The following KHDC1 variants were observed in gnomAD, a reference collection of about 807,000 sequenced individuals.
KHDC1 encodes KH domain containing 1, also known as KH homology domain-containing protein 1.
Under a neutral mutation model 24.7 loss-of-function variants are expected in KHDC1, and 21 were observed. That is an observed-to-expected ratio of 0.85 (90% CI 0.60 to 1.23). KHDC1 has a LOEUF of 1.23. KHDC1 is among the 50% of genes most tolerant of loss of function. The probability of loss-of-function intolerance (pLI) is 0.00; values close to 1 mark genes in which losing one functional copy is unlikely to be tolerated. For missense variants in KHDC1, 274 were observed against 298.5 expected, an observed-to-expected ratio of 0.92 and a Z score of 0.61; for synonymous variants, 98 against 111.7, an observed-to-expected ratio of 0.88 and a Z score of 0.77.
chr6:73,270,729 C>A (rs1052561184), intron 2 of KHDC1, among the ~76,000 whole-genome samples: 1 of 150,566 alleles, frequency 6.6e-6, no homozygotes, highest in African/African-American at 2.4e-5. Flanking sequence ...TTGCTCTTGT[C>A]GCCCAGGCTA....
chr6:73,265,372 T>C (rs1767060342), intron 2 of KHDC1, among the ~76,000 whole-genome samples: 1 of 151,766 alleles, frequency 6.6e-6, no homozygotes, highest in Non-Finnish European at 1.5e-5. Flanking sequence ...TCTACAAAAA[T>C]ACAGAAATTA....
At chr6:73,292,644 T>G in intron 1 of KHDC1, 1 of 756,510 alleles carries the variant, frequency 1.3e-6, no homozygotes, top group East Asian at 2.5e-5. Context: ...CCAAAGGTTG[T>G]GATAATATTG....
intron 2 of KHDC1, among the ~76,000 whole-genome samples, chr6:73,250,814 A>T (rs893704615): frequency 1.3e-5 from 2 of 152,208 alleles, no homozygotes; most frequent in African/African-American, 4.8e-5. Context: ...ATTCATAAGC[A>T]CTTTCCAAGT....
At chr6:73,295,142 G>C (rs992343107) in intron 1 of KHDC1, among the ~76,000 whole-genome samples, 3 of 151,952 alleles carry the variant, frequency 2.0e-5, no homozygotes, top group Admixed American at 1.3e-4. Context: ...GACAGAGCAA[G>C]ACCCTGTCTC....
At chr6:73,283,556 A>T (rs1224374741) in intron 2 of KHDC1, among the ~76,000 whole-genome samples, 1 of 150,260 alleles carries the variant, frequency 6.7e-6, no homozygotes, top group African/African-American at 2.5e-5. Context: ...AAGTGTAAGC[A>T]CCCGGCCCTT....
intron 2 of KHDC1, among the ~76,000 whole-genome samples, chr6:73,289,154 C>T (rs1371165828): frequency 1.3e-5 from 2 of 151,290 alleles, no homozygotes; most frequent in East Asian, 3.9e-4. Context: ...GCCAACATGG[C>T]GAAACCCCAC....
chr6:73,293,464 T>C lies in KHDC1; in HGVS notation c.164-1424A>G, dbSNP rs183526747. Among the ~76,000 whole-genome samples, 223 of 152,332 alleles carry C rather than the reference T, an allele frequency of 1.5e-3. 1 individual carries two copies. Among genetic ancestry groups the C allele is most frequent in the Middle Eastern group, 6.8e-3 (2 of 294 alleles). On this transcript the variant is annotated intron_variant, in intron 1 of 4. Coordinates refer to ENST00000370384, the Ensembl canonical transcript of KHDC1. ...AATTTTAATCCTTTTAAGCTAATTATAGATTCACATGTAGTTGTAAGAAGT... is the reference window on the plus strand; with the variant it reads ...AATTTTAATCCTTTTAAGCTAATTACAGATTCACATGTAGTTGTAAGAAGT...
intron 1 of KHDC1, among the ~76,000 whole-genome samples, chr6:73,307,300 C>T (rs1168657323): frequency 6.6e-5 from 10 of 151,784 alleles, no homozygotes; most frequent in Admixed American, 3.9e-4. Context: ...TGATGCCGGG[C>T]GCCTGTAATC....
intron 2 of KHDC1, among the ~76,000 whole-genome samples, chr6:73,255,941 A>G (rs1157041807): frequency 2.0e-5 from 3 of 151,868 alleles, no homozygotes; most frequent in Non-Finnish European, 4.4e-5. Context: ...AGACTCCTTA[A>G]ATTACACTGA....
At chr6:73,263,309 G>A in intron 2 of KHDC1, 113 bp from the exon 1 acceptor site, 1 of 983,664 alleles carries the variant, frequency 1.0e-6, no homozygotes, top group Non-Finnish European at 1.2e-6. Flanking sequence ...GGCGCGCAGA[G>A]AGCCCAGCAG....
At chr6:73,301,860 G>A (rs1000345363) in intron 1 of KHDC1, among the ~76,000 whole-genome samples, 12 of 152,160 alleles carry the variant, frequency 7.9e-5, no homozygotes, top group African/African-American at 2.7e-4. Flanking sequence ...TTGAACTCCT[G>A]GGCTCAAGCA....
chr6:73,303,685 G>T (rs190459308), intron 1 of KHDC1, among the ~76,000 whole-genome samples: 20 of 152,260 alleles, frequency 1.3e-4, no homozygotes, highest in African/African-American at 4.8e-4. Flanking sequence ...AAACTGAGAT[G>T]CATTCTAGAA....
chr6:73,244,616 A>G (rs914790190), intron 2 of KHDC1, among the ~76,000 whole-genome samples: 6 of 144,050 alleles, frequency 4.2e-5, no homozygotes, highest in Non-Finnish European at 7.6e-5. Flanking sequence ...ATTTAAAACA[A>G]TGAATCGGGG....
intron 2 of KHDC1, chr6:73,291,085 G>A (rs1001494902): frequency 1.7e-5 from 8 of 462,082 alleles, no homozygotes; most frequent in South Asian, 1.3e-4. Flanking sequence ...GACTGCTGTA[G>A]TGCAAGTTTA....
chr6:73,289,060 A>G (rs1238062299), intron 2 of KHDC1, among the ~76,000 whole-genome samples: 1 of 152,012 alleles, frequency 6.6e-6, no homozygotes. Flanking sequence ...TAGGTCAGTC[A>G]CAGTGGCTCA....
At chr6:73,283,337 T>A (rs200504557) in intron 2 of KHDC1, among the ~76,000 whole-genome samples, 14,912 of 128,962 alleles carry the variant, frequency 0.12, 845 homozygotes, top group East Asian at 0.19. Context: ...GTTTTTTTTT[T>A]TTAAAAAGAA....
At chr6:73,308,790 C>A (rs1472758643) in intron 1 of KHDC1, among the ~76,000 whole-genome samples, 3 of 152,052 alleles carry the variant, frequency 2.0e-5, no homozygotes, top group South Asian at 2.1e-4. Context: ...CCACCGCACC[C>A]GGTAGAGTTT....
chr6:73,292,190 G>A (rs1266376689), intron 1 of KHDC1: 1 of 1,498,470 alleles, frequency 6.7e-7, no homozygotes, highest in Non-Finnish European at 9.3e-7. Flanking sequence ...TAGAACCACA[G>A]TTGTTGCACA....
chr6:73,309,572 AG>A lies in KHDC1; in HGVS notation c.142del (p.Leu48PhefsTer95). ...CTCACCTCGATTTCTGCGGATCCAA[AG>A]GTGGAAAGACACTGTCCCGATCAGG... On this transcript the variant is annotated frameshift_variant, in exon 1 of 5. Transcript: ENST00000370384. LOFTEE classifies it high-confidence loss of function. 6.6e-7 allele frequency: 1 copy of A among 1,523,954 alleles called. No homozygotes were observed. The highest frequency in any genetic ancestry group is 1.4e-5 in the African/African-American group (1 of 71,580). The allele number at this position is 1,523,954 out of a possible 1,614,324, so 94.4% of individuals were successfully genotyped here. A position where few individuals can be genotyped will look rare whatever the true frequency, so the allele number is the denominator to read the frequency against.
Sources: gnomAD v4.1 joint callset for allele counts (sites outside exome capture counted in the v4.1 genomes callset) on GRCh38, gnomAD v4.1.1 for gene constraint, MANE v1.5 for transcripts, NCBI Gene and HGNC (gene_info 2026-07-23, HGNC 2026-07-21) for gene names.